The following TAFA1 variants were observed in gnomAD, a reference collection of about 807,000 sequenced individuals.
The protein encoded by TAFA1 is TAFA chemokine like family member 1.
TAFA1 carries 4 observed loss-of-function variants against 18.5 expected under a neutral mutation model. The observed-to-expected ratio is 0.22, with a 90% CI of 0.11 to 0.49. The LOEUF (loss-of-function observed/expected upper bound fraction) is 0.49. Ranked by LOEUF, TAFA1 falls within the 20% of genes least tolerant of loss-of-function variation. The pLI, the probability that TAFA1 is intolerant of heterozygous loss-of-function variation, is 0.98. For missense variants in TAFA1, 147 were observed against 169.0 expected (o/e 0.87, Z 0.72); for synonymous variants, 56 against 55.2 (o/e 1.01, Z -0.06).
intron 2 of TAFA1, among the ~76,000 whole-genome samples, chr3:68,142,773 C>G (rs1229473487): frequency 6.6e-6 from 1 of 152,180 alleles, no homozygotes; most frequent in East Asian, 1.9e-4. Context: ...TTAAGATATT[C>G]CTCTCAGAGG....
At chr3:68,525,436 C>G (rs2073095752) in intron 3 of TAFA1, among the ~76,000 whole-genome samples, 1 of 152,118 alleles carries the variant, frequency 6.6e-6, no homozygotes, top group Non-Finnish European at 1.5e-5. Context: ...GAGCATAGAG[C>G]AGGTGGTCTA....
chr3:68,459,062 T>G (rs1043258930), intron 3 of TAFA1, among the ~76,000 whole-genome samples: 1 of 151,908 alleles, frequency 6.6e-6, no homozygotes, highest in East Asian at 1.9e-4. Context: ...TTCTTCAGAG[T>G]TTTTCTCCTT....
chr3:68,146,280 G>C (rs947008527), intron 2 of TAFA1, among the ~76,000 whole-genome samples: 2 of 152,204 alleles, frequency 1.3e-5, no homozygotes, highest in African/African-American at 4.8e-5. Context: ...GTTCTGTTGA[G>C]GCTGGCGTAG....
At chr3:68,362,331 T>C (rs2069483602) in intron 2 of TAFA1, among the ~76,000 whole-genome samples, 1 of 152,130 alleles carries the variant, frequency 6.6e-6, no homozygotes, top group Non-Finnish European at 1.5e-5. Flanking sequence ...TTCACTTTGC[T>C]CCTAGAGACT....
intron 2 of TAFA1, among the ~76,000 whole-genome samples, chr3:68,149,664 G>T (rs1006999230): frequency 2.6e-5 from 4 of 152,200 alleles, no homozygotes; most frequent in Non-Finnish European, 4.4e-5. Context: ...TGCCAGGAGG[G>T]ATTTGTCCCC....
intron 2 of TAFA1, among the ~76,000 whole-genome samples, chr3:68,321,890 C>T (rs767782506): frequency 6.6e-6 from 1 of 152,216 alleles, no homozygotes; most frequent in East Asian, 1.9e-4. Context: ...TGAATAATCA[C>T]TTTCTTCTCT....
chr3:68,255,411 A>G (rs1232327199), intron 2 of TAFA1, among the ~76,000 whole-genome samples: 1 of 152,148 alleles, frequency 6.6e-6, no homozygotes, highest in Non-Finnish European at 1.5e-5. Flanking sequence ...AATATTCACC[A>G]ACTCTTCAGT....
chr3:68,101,433 C>A (rs139223623), intron 2 of TAFA1, among the ~76,000 whole-genome samples: 1 of 151,842 alleles, frequency 6.6e-6, no homozygotes, highest in African/African-American at 2.4e-5. Context: ...GGAACCAACC[C>A]AAATGTCCAA....
intron 2 of TAFA1, among the ~76,000 whole-genome samples, chr3:68,091,733 G>A (rs755979906): frequency 5.3e-5 from 8 of 152,100 alleles, no homozygotes; most frequent in African/African-American, 7.2e-5. Flanking sequence ...ATGCAGTGGG[G>A]CCATGTTCAC....
intron 2 of TAFA1, among the ~76,000 whole-genome samples, chr3:68,051,446 G>T (rs1221889349): frequency 3.3e-5 from 5 of 152,232 alleles, no homozygotes; most frequent in African/African-American, 1.2e-4. Context: ...CCACCTAGGG[G>T]ATATTTGACA....
intron 2 of TAFA1, among the ~76,000 whole-genome samples, chr3:68,296,234 T>C (rs2068205726): frequency 6.7e-6 from 1 of 150,316 alleles, no homozygotes; most frequent in African/African-American, 2.4e-5. Context: ...ATATTTGACA[T>C]CCATATTGTT....
intron 2 of TAFA1, among the ~76,000 whole-genome samples, chr3:68,378,221 T>C (rs1425283713): frequency 6.6e-6 from 1 of 152,172 alleles, no homozygotes; most frequent in Non-Finnish European, 1.5e-5. Flanking sequence ...CTGCAGGCAC[T>C]CAATGCTAGC....
chr3:68,236,036 C>T (rs917413114), intron 2 of TAFA1, among the ~76,000 whole-genome samples: 2 of 152,088 alleles, frequency 1.3e-5, no homozygotes, highest in African/African-American at 4.8e-5. Flanking sequence ...AACTGGAAGT[C>T]GCAATTAACT....
intron 2 of TAFA1, among the ~76,000 whole-genome samples, chr3:68,082,863 G>C (rs1305539340): frequency 6.6e-6 from 1 of 152,152 alleles, no homozygotes; most frequent in Non-Finnish European, 1.5e-5. Context: ...GAGCTATCGA[G>C]TCCTGGTTGT....
At chr3:68,111,775 TGAGAAA>T (rs1158401217) in intron 2 of TAFA1, among the ~76,000 whole-genome samples, 2,474 of 26,240 alleles carry the variant, frequency 0.094, 71 homozygotes, top group African/African-American at 0.18. Context: ...GACACACACA[TGAGAAA>T]GAGAGAGAGA....
intron 4 of TAFA1, among the ~76,000 whole-genome samples, chr3:68,543,965 A>C (rs961410266): frequency 6.6e-6 from 1 of 152,074 alleles, no homozygotes; most frequent in Non-Finnish European, 1.5e-5. Flanking sequence ...ACCTCATGCC[A>C]GCCCTCTATA....
chr3:68,011,409 CTA>C (rs1704468330), intron 2 of TAFA1, among the ~76,000 whole-genome samples: 2 of 152,074 alleles, frequency 1.3e-5, no homozygotes, highest in Non-Finnish European at 2.9e-5. Context: ...ATTAAGCAAA[CTA>C]TGTGTGTTAG....
chr3:68,040,053 T>C (rs1705132177), intron 2 of TAFA1, among the ~76,000 whole-genome samples: 1 of 152,200 alleles, frequency 6.6e-6, no homozygotes, highest in Non-Finnish European at 1.5e-5. Flanking sequence ...GCTGCTGGTA[T>C]GTGGAACGAC....
chr3:68,362,173 A>G (rs967999136), intron 2 of TAFA1, among the ~76,000 whole-genome samples: 9 of 152,140 alleles, frequency 5.9e-5, no homozygotes, highest in African/African-American at 1.7e-4. Flanking sequence ...CACTTTCTCA[A>G]TGTACAAACT....
Sources: gnomAD v4.1 joint callset for allele counts (sites outside exome capture counted in the v4.1 genomes callset) on GRCh38, gnomAD v4.1.1 for gene constraint, MANE v1.5 for transcripts, NCBI Gene and HGNC (gene_info 2026-07-23, HGNC 2026-07-21) for gene names.